UNC5C: variants seen among roughly 807,000 people sequenced by gnomAD.
UNC5C encodes unc-5 netrin receptor C.
In UNC5C, 47 loss-of-function variants were observed where a neutral mutation model predicts 99.8. That is an observed-to-expected ratio of 0.47 (90% CI 0.37 to 0.60). UNC5C has a LOEUF of 0.60. UNC5C is among the 20% of genes least tolerant of loss of function. UNC5C has a pLI of 0.00. For synonymous variants in UNC5C, 487 were observed against 452.2 expected, an observed-to-expected ratio of 1.08 and a Z score of -0.98; for missense variants, 1,062 against 1,165.9, an observed-to-expected ratio of 0.91 and a Z score of 1.30.
intron 10 of UNC5C, 54 bp from the exon 11 acceptor site, chr4:95,206,850 T>C (rs1737896760): frequency 1.4e-6 from 2 of 1,407,292 alleles, no homozygotes; most frequent in Admixed American, 6.0e-5. Flanking sequence ...ATTCATGAAC[T>C]ATGCACTTGG....
At chr4:95,443,756 T>G (rs1277811564) in intron 1 of UNC5C, among the ~76,000 whole-genome samples, 2 of 152,144 alleles carry the variant, frequency 1.3e-5, no homozygotes, top group Non-Finnish European at 1.5e-5. Flanking sequence ...AACTATATAT[T>G]TATTGTTTCT....
chr4:95,169,149 G>T lies in UNC5C; in HGVS notation c.*85C>A. 1 of 1,553,448 alleles carries T rather than the reference G, an allele frequency of 6.4e-7. No individual in the cohort carries two copies. The highest frequency in any genetic ancestry group is 8.8e-7 in the Non-Finnish European group (1 of 1,138,378). ...CTGTGAAGTGCATTGGTCTCATCTGGATTTCCTCCTCAGCTGTGATTCACC... is the reference window on the plus strand; with the variant it reads ...CTGTGAAGTGCATTGGTCTCATCTGTATTTCCTCCTCAGCTGTGATTCACC... On this transcript the variant is annotated 3_prime_UTR_variant, in exon 16 of 16. Coordinates refer to ENST00000453304, the MANE Select transcript of UNC5C (RefSeq NM_003728.4).
intron 4 of UNC5C, among the ~76,000 whole-genome samples, chr4:95,258,824 C>G (rs891503317): frequency 1.4e-5 from 2 of 138,918 alleles, no homozygotes; most frequent in African/African-American, 5.3e-5. Flanking sequence ...TGCAGTGGCG[C>G]AATCTCGGCT....
intron 1 of UNC5C, among the ~76,000 whole-genome samples, chr4:95,425,679 T>C (rs1016663677): frequency 6.6e-6 from 1 of 152,260 alleles, no homozygotes; most frequent in African/African-American, 2.4e-5. Flanking sequence ...TTACTTTATA[T>C]ACCTTTCTGA....
At chr4:95,544,106 G>A (rs1722994464) in intron 1 of UNC5C, among the ~76,000 whole-genome samples, 1 of 152,154 alleles carries the variant, frequency 6.6e-6, no homozygotes, top group South Asian at 2.1e-4. Flanking sequence ...TGAGCTAAAA[G>A]CTGCTCTAAT....
At position 95,167,423 on chromosome 4, in the gene UNC5C, T is replaced by TAA. The variant is rs1405417341; in HGVS notation, c.*1809_*1810dup. 1 of 152,206 alleles carries TAA rather than the reference T, an allele frequency of 6.6e-6. No homozygotes were observed. The highest frequency in any genetic ancestry group is 2.4e-5 in the African/African-American group (1 of 41,438). The allele number at this position is 152,206 out of a possible 1,614,324, so 9.4% of individuals were successfully genotyped here. Reference sequence around the variant, plus strand: ...AAACATTTTGCAGGACAAAAGTTTTTAAAGAGCTAACTAGACAGCTTTTAT... The same window carrying TAA: ...AAACATTTTGCAGGACAAAAGTTTTTAAAAAGAGCTAACTAGACAGCTTTTAT... On this transcript the variant is annotated 3_prime_UTR_variant, in exon 16 of 16. Transcript: ENST00000453304.
chr4:95,240,207 A>T (rs1381117236), intron 7 of UNC5C, among the ~76,000 whole-genome samples: 2 of 152,182 alleles, frequency 1.3e-5, no homozygotes, highest in Non-Finnish European at 2.9e-5. Flanking sequence ...TCTTTTTCTT[A>T]ATACTGACCT....
intron 2 of UNC5C, among the ~76,000 whole-genome samples, chr4:95,304,170 C>T (rs1741974335): frequency 6.6e-6 from 1 of 152,012 alleles, no homozygotes; most frequent in Admixed American, 6.6e-5. Flanking sequence ...TTTTATAATC[C>T]CAAGGCGTGA....
intron 1 of UNC5C, among the ~76,000 whole-genome samples, chr4:95,546,552 T>G (rs1417841299): frequency 1.3e-5 from 2 of 152,052 alleles, no homozygotes; most frequent in Admixed American, 1.3e-4. Context: ...AAACAAAAAT[T>G]TTACTAATCA....
intron 12 of UNC5C, among the ~76,000 whole-genome samples, chr4:95,200,210 TC>T (rs1365314977): frequency 2.0e-5 from 3 of 152,232 alleles, no homozygotes; most frequent in Admixed American, 6.5e-5. Flanking sequence ...GAACGGAAGC[TC>T]CAGATGGAAA....
At chr4:95,195,730 C>T (rs1737352363) in intron 12 of UNC5C, among the ~76,000 whole-genome samples, 1 of 152,184 alleles carries the variant, frequency 6.6e-6, no homozygotes. Context: ...ACACAATTCT[C>T]AACTAGACTT....
chr4:95,347,431 A>G (rs1049398998), intron 1 of UNC5C, among the ~76,000 whole-genome samples: 1 of 152,112 alleles, frequency 6.6e-6, no homozygotes, highest in Non-Finnish European at 1.5e-5. Flanking sequence ...TGGAACCACA[A>G]CACACCCAGA....
intron 3 of UNC5C, among the ~76,000 whole-genome samples, chr4:95,288,084 T>TTATTTATA (rs1741303510): frequency 6.6e-6 from 1 of 151,046 alleles, no homozygotes; most frequent in African/African-American, 2.4e-5. Context: ...ATTTATTTAT[T>TTATTTATA]TATTTATTTA....
At chr4:95,542,107 C>T (rs538282146) in intron 1 of UNC5C, among the ~76,000 whole-genome samples, 7 of 152,230 alleles carry the variant, frequency 4.6e-5, no homozygotes, top group African/African-American at 1.7e-4. Flanking sequence ...ATCCTCACAA[C>T]ATTTTAAAAT....
chr4:95,263,458 A>G (rs986094364), intron 4 of UNC5C, among the ~76,000 whole-genome samples: 18 of 152,194 alleles, frequency 1.2e-4, no homozygotes, highest in Admixed American at 2.0e-4. Context: ...AGAATGAGGA[A>G]GGCTGAGAAC....
chr4:95,470,725 A>G (rs944035593), intron 1 of UNC5C, among the ~76,000 whole-genome samples: 4 of 152,166 alleles, frequency 2.6e-5, no homozygotes, highest in Non-Finnish European at 5.9e-5. Context: ...TTATAACTAG[A>G]GGAGGAAAAG....
chr4:95,316,106 T>C (rs1165115961), intron 2 of UNC5C, among the ~76,000 whole-genome samples: 2 of 152,164 alleles, frequency 1.3e-5, no homozygotes, highest in South Asian at 4.1e-4. Context: ...GATCATTAAG[T>C]GTACATCAAG....
chr4:95,352,603 A>T (rs192811017), intron 1 of UNC5C, among the ~76,000 whole-genome samples: 18 of 152,276 alleles, frequency 1.2e-4, no homozygotes, highest in Admixed American at 1.1e-3. Flanking sequence ...CATCAGATGA[A>T]CTTATCTTCC....
chr4:95,376,055 A>C (rs1744886965), intron 1 of UNC5C, among the ~76,000 whole-genome samples: 1 of 152,090 alleles, frequency 6.6e-6, no homozygotes, highest in African/African-American at 2.4e-5. Context: ...TCCGTCTCAA[A>C]AAACAAACAA....
Sources: allele counts gnomAD v4.1 joint callset (sites outside exome capture counted in the v4.1 genomes callset), GRCh38; gene constraint gnomAD v4.1.1; transcripts MANE v1.5; gene names NCBI Gene and HGNC (gene_info 2026-07-23, HGNC 2026-07-21).